PCNX1: variants seen among roughly 807,000 people sequenced by gnomAD.
PCNX1 encodes pecanex 1.
In PCNX1, 78 loss-of-function variants were observed where a neutral mutation model predicts 242.2. That is an observed-to-expected ratio of 0.32 (90% CI 0.27 to 0.39). PCNX1 has a LOEUF of 0.39. Among genes scored for constraint, PCNX1 ranks in the 10% least tolerant of loss-of-function variants. The pLI, the probability that PCNX1 is intolerant of heterozygous loss-of-function variation, is 1.00. For synonymous variants in PCNX1, 1,024 were observed against 1,032.9 expected (o/e 0.99, Z 0.17); for missense variants, 2,581 against 2,856.5 (o/e 0.90, Z 2.20).
intron 1 of PCNX1, among the ~76,000 whole-genome samples, chr14:70,944,255 C>A (rs977042704): frequency 6.6e-6 from 1 of 152,192 alleles, no homozygotes; most frequent in African/African-American, 2.4e-5. Flanking sequence ...AGGAGGGGAG[C>A]TGTACCCTGC....
At chr14:70,948,291 G>A (rs748599588) in intron 2 of PCNX1, among the ~76,000 whole-genome samples, 24 of 151,966 alleles carry the variant, frequency 1.6e-4, no homozygotes, top group Non-Finnish European at 3.1e-4. Context: ...GGGGCATCAC[G>A]GAACCTGCCG....
chr14:70,966,075 T>A (rs1254530013), intron 3 of PCNX1, among the ~76,000 whole-genome samples: 1 of 152,338 alleles, frequency 6.6e-6, no homozygotes, highest in African/African-American at 2.4e-5. Context: ...TTAAGTGTTT[T>A]TCTACAGTGA....
At position 71,109,685 on chromosome 14, in the gene PCNX1, C is replaced by T. The variant is rs1417553995; in HGVS notation, c.6885+93C>T. On this transcript the variant is annotated intron_variant, in intron 35 of 35. Coordinates refer to ENST00000304743, the MANE Select transcript of PCNX1 (RefSeq NM_014982.3). ...TGGTTTTAGCTGATTTATACTTAAA[C>T]GTATAATTTTCAGACAAAATTGCTA... 7.6e-5 allele frequency: 119 copies of T among 1,564,382 alleles called. No individual in the cohort carries two copies. The East Asian group carries it at 1.6e-3, about 21-fold the overall frequency.
chr14:71,031,985 C>G, intron 16 of PCNX1: 5 of 1,199,444 alleles, frequency 4.2e-6, no homozygotes, highest in Non-Finnish European at 6.2e-6. Context: ...GGTTCATTGT[C>G]TCATGCCAAG....
chr14:70,962,609 G>A (rs17108769), intron 3 of PCNX1, among the ~76,000 whole-genome samples: 1,868 of 152,232 alleles, frequency 0.012, 42 homozygotes, highest in African/African-American at 0.043. Flanking sequence ...TCTAGCTTGC[G>A]CTATCTTCAC....
At chr14:70,934,428 AATTT>A (rs2056920957) in intron 1 of PCNX1, among the ~76,000 whole-genome samples, 1 of 152,160 alleles carries the variant, frequency 6.6e-6, no homozygotes, top group African/African-American at 2.4e-5. Flanking sequence ...CATAATATAA[AATTT>A]ATTATCTTAA....
intron 7 of PCNX1, among the ~76,000 whole-genome samples, chr14:70,989,526 AGATATAAATTTTTTTTTT>A (rs957029872): frequency 1.4e-5 from 2 of 146,664 alleles, no homozygotes; most frequent in African/African-American, 5.0e-5. Context: ...ATACAAAAAC[AGATATAAATTTTTTTTTT>A]TTTTTTTTTT....
chr14:71,000,631 A>G (rs1174705720), intron 8 of PCNX1, among the ~76,000 whole-genome samples: 2 of 148,148 alleles, frequency 1.3e-5, no homozygotes, highest in African/African-American at 5.0e-5. Context: ...GGTTCAAGCG[A>G]TTTTGCTGCC....
At position 71,112,925 on chromosome 14, in the gene PCNX1, TTC is replaced by T. The variant is rs1414000066; in HGVS notation, c.*2992_*2993del. The T allele has an allele frequency of 6.6e-6, 1 of 152,314 alleles. No individual in the cohort carries two copies. The highest frequency in any genetic ancestry group is 1.9e-4 in the East Asian group (1 of 5,190). The allele number at this position is 152,314 out of a possible 1,614,324, so 9.4% of individuals were successfully genotyped here. On this transcript the variant is annotated 3_prime_UTR_variant, in exon 36 of 36. Transcript: ENST00000304743. Reference sequence around the variant, plus strand: ...AAATTATTGCCTTTTTTTCCTTTATTTCTTTCATTCAGTGGCAAAAAACATTT... The same window carrying T: ...AAATTATTGCCTTTTTTTCCTTTATTTTTCATTCAGTGGCAAAAAACATTT...
chr14:71,094,639 CTG>C (rs1197941675), intron 30 of PCNX1, among the ~76,000 whole-genome samples: 1 of 152,090 alleles, frequency 6.6e-6, no homozygotes, highest in African/African-American at 2.4e-5. Context: ...GTAATTAAAA[CTG>C]TTACGTTGGA....
rs1322363023 is a variant in PCNX1 at position 70,923,069 on chromosome 14, C to CT, written c.153+15069dup. ...ATCTATGTTTCCTTAATCATGAATT[C>CT]TTTGAGTATCTTTTCATATGCCTAG... is the stretch of plus-strand genomic sequence containing the variant. On this transcript the variant is annotated intron_variant, in intron 1 of 35. Coordinates refer to ENST00000304743, the MANE Select transcript of PCNX1 (RefSeq NM_014982.3). Among the ~76,000 whole-genome samples the CT allele has an allele frequency of 7.3e-5, 11 of 150,586 alleles. No homozygotes were observed. In the East Asian group the frequency reaches 2.1e-3, roughly 29 times the overall value.
At chr14:70,989,396 T>A (rs965494634) in intron 7 of PCNX1, among the ~76,000 whole-genome samples, 5 of 151,946 alleles carry the variant, frequency 3.3e-5, no homozygotes, top group African/African-American at 9.7e-5. Context: ...TGTGGATAAT[T>A]TTTCATTAAA....
chr14:70,910,511 T>A (rs2139999490), intron 1 of PCNX1, among the ~76,000 whole-genome samples: 1 of 152,110 alleles, frequency 6.6e-6, no homozygotes, highest in African/African-American at 2.4e-5. Flanking sequence ...TGCTTGCTTT[T>A]CCCTCTGTCT....
chr14:71,089,880 C>T (rs2062084956), intron 30 of PCNX1, among the ~76,000 whole-genome samples: 1 of 152,116 alleles, frequency 6.6e-6, no homozygotes, highest in Non-Finnish European at 1.5e-5. Context: ...ATCTTTAAAA[C>T]CTGAACCTAT....
rs1159583005 is a variant in PCNX1, at chr14:70,978,609, G to T, written c.2272G>T (p.Ala758Ser). The change falls in exon 6 of 36, where the codon GCA (alanine) becomes TCA (serine). Residue 758 changes from alanine to serine, a missense_variant. Around this residue, in one of 9 missense-constraint regions of PCNX1, gnomAD observed 1,204 missense variants for 1,216.7 expected, o/e 0.99. Coordinates refer to ENST00000304743, the MANE Select transcript of PCNX1 (RefSeq NM_014982.3). ...TAGGAATAGCTTGCCAAACCAGGTT[G>T]CATTTCCTGAAGGGGAAGAGCAAGA... Reference protein sequence around the residue: ...RSRNSLPNQVAFPEGEEQDAV... With the variant: ...RSRNSLPNQVSFPEGEEQDAV... 1.2e-6 allele frequency: 2 copies of T among 1,613,614 alleles called. No individual in the cohort carries two copies. Among genetic ancestry groups the T allele is most frequent in the Non-Finnish European group, 1.7e-6 (2 of 1,179,824 alleles).
chr14:70,977,487 A>G lies in PCNX1; in HGVS notation c.1150A>G (p.Ser384Gly), dbSNP rs775273972. 2 of 1,614,168 alleles carry G rather than the reference A, an allele frequency of 1.2e-6. No homozygotes were observed. Among genetic ancestry groups the G allele is most frequent in the Non-Finnish European group, 1.7e-6 (2 of 1,180,040 alleles). ...CACACGGAGTAGTGGGTCAACAGAAAGCTACTGCAGTGGAACGGACCGGGA... is the reference window on the plus strand; with the variant it reads ...CACACGGAGTAGTGGGTCAACAGAAGGCTACTGCAGTGGAACGGACCGGGA... ...LSTRSSGSTE[S>G]YCSGTDRDTN... The change falls in exon 6 of 36, where the codon AGC becomes GGC. Residue 384 changes from serine (S) to glycine (G), a missense_variant. Ser to Gly is a moderately conservative substitution (Grantham distance 56). Around this residue, in one of 9 missense-constraint regions of PCNX1, gnomAD observed 1,204 missense variants for 1,216.7 expected, o/e 0.99. Coordinates refer to ENST00000304743, the MANE Select transcript of PCNX1 (RefSeq NM_014982.3).
chr14:71,060,683 A>G (rs2061304615), intron 26 of PCNX1: 1 of 152,186 alleles, frequency 6.6e-6, no homozygotes, highest in Non-Finnish European at 1.5e-5. Flanking sequence ...ATCTTGAAGA[A>G]CAAGAACAAA....
intron 16 of PCNX1, among the ~76,000 whole-genome samples, chr14:71,029,725 G>T (rs2060330999): frequency 1.3e-5 from 2 of 152,304 alleles, no homozygotes; most frequent in South Asian, 2.1e-4. Context: ...AAGACCCATG[G>T]ACTTGTAAAG....
chr14:71,091,684 A>G (rs902089366), intron 30 of PCNX1, among the ~76,000 whole-genome samples: 1 of 152,270 alleles, frequency 6.6e-6, no homozygotes, highest in South Asian at 2.1e-4. Flanking sequence ...GTTAAAATTT[A>G]TCAAAACTTA....
Sources: allele counts gnomAD v4.1 joint callset (sites outside exome capture counted in the v4.1 genomes callset), GRCh38; gene constraint gnomAD v4.1.1; regional missense constraint gnomAD v4.1.1; transcripts MANE v1.5; gene names NCBI Gene and HGNC (gene_info 2026-07-23, HGNC 2026-07-21).